The following PPHLN1 variants were observed in gnomAD, a reference collection of about 807,000 sequenced individuals.
The protein encoded by PPHLN1 is periphilin-1.
A neutral mutation model predicts 51.3 loss-of-function variants in PPHLN1; 29 were observed. The ratio of observed to expected loss-of-function variants is 0.57; its 90% CI spans 0.42 to 0.77. PPHLN1 has a LOEUF of 0.77. PPHLN1 is among the 30% of genes least tolerant of loss of function. The pLI is 0.00. For synonymous variants in PPHLN1, 147 were observed against 147.8 expected (o/e 0.99, Z 0.04); for missense variants, 436 against 438.4 (o/e 0.99, Z 0.05).
chr12:42,374,899 C>T lies in PPHLN1; in HGVS notation c.336C>T (p.Tyr112=), dbSNP rs556956525. 3 of 1,605,354 alleles carry T rather than the reference C, an allele frequency of 1.9e-6. No homozygotes were observed. Among genetic ancestry groups the T allele is most frequent in the East Asian group, 4.5e-5 (2 of 44,424 alleles). The change falls in exon 5 of 10, where the codon TAC becomes TAT. Residue 112 remains tyrosine, a synonymous_variant. Transcript: ENST00000358314. ...MRDGFRRKSF[Y]SSHYARERSP... ...ATGGCTTTAGAAGAAAAAGTTTCTACTCTTCCCATTATGCGAGAGAGCGGT... is the reference window on the plus strand; with the variant it reads ...ATGGCTTTAGAAGAAAAAGTTTCTATTCTTCCCATTATGCGAGAGAGCGGT...
chr12:42,403,731 T>G (rs1423577571), intron 9 of PPHLN1, among the ~76,000 whole-genome samples: 2 of 152,190 alleles, frequency 1.3e-5, no homozygotes. Context: ...CACCTTATCC[T>G]TGGGGATGTT....
At chr12:42,401,982 G>A (rs545044850) in intron 9 of PPHLN1, among the ~76,000 whole-genome samples, 1 of 152,200 alleles carries the variant, frequency 6.6e-6, no homozygotes, top group South Asian at 2.1e-4. Flanking sequence ...ACCCTCCTGA[G>A]TAGCTGGGAC....
chr12:42,326,706 ATCT>A (rs1277550556), intron 1 of PPHLN1, among the ~76,000 whole-genome samples: 4 of 152,126 alleles, frequency 2.6e-5, no homozygotes, highest in South Asian at 2.1e-4. Context: ...ACAAGTGTTG[ATCT>A]TCTTGGCACC....
At chr12:42,390,100 A>G (rs879260004) in intron 7 of PPHLN1, among the ~76,000 whole-genome samples, 3 of 152,032 alleles carry the variant, frequency 2.0e-5, no homozygotes, top group Admixed American at 2.0e-4. Context: ...ACTTCTTTTC[A>G]TTCTGCCTTT....
intron 9 of PPHLN1, among the ~76,000 whole-genome samples, chr12:42,435,511 CCTT>C (rs1328703159): frequency 1.3e-5 from 2 of 152,120 alleles, no homozygotes; most frequent in Non-Finnish European, 2.9e-5. Flanking sequence ...AGTTTTGACA[CCTT>C]CTGCATTACT....
At chr12:42,445,221 G>C (rs1435119535), downstream of PPHLN1, 2 of 657,598 alleles carry the variant, frequency 3.0e-6, no homozygotes, top group African/African-American at 1.8e-5. Flanking sequence ...AGACCTGCAG[G>C]TTATGATGTC....
chr12:42,393,701 T>TG lies in PPHLN1; in HGVS notation c.768+13dup, dbSNP rs1414068701. The TG allele has an allele frequency of 1.3e-6, 2 of 1,582,978 alleles. No individual in the cohort carries two copies. Among genetic ancestry groups the TG allele is most frequent in the Admixed American group, 2.0e-5 (1 of 50,556 alleles). ...TTTCTGAGTATGAGGTAAGGCATAATGTCTCCTTTATGTTTCACATCTGAA... is the reference window on the plus strand; with the variant it reads ...TTTCTGAGTATGAGGTAAGGCATAATGGTCTCCTTTATGTTTCACATCTGAA... On this transcript the variant is annotated intron_variant, in intron 8 of 9. Transcript: ENST00000358314.
chr12:42,433,263 T>A, intron 9 of PPHLN1: 1 of 692,798 alleles, frequency 1.4e-6, no homozygotes, highest in Non-Finnish European at 2.7e-6. Context: ...ACTAATTTAT[T>A]TTTTTATATC....
At chr12:42,336,030 A>G (rs2137804013) in intron 2 of PPHLN1, 56 bp downstream of exon 2, 1 of 1,232,864 alleles carries the variant, frequency 8.1e-7, no homozygotes, top group Non-Finnish European at 1.1e-6. Context: ...AATTAATTTG[A>G]TACACCAAAG....
chr12:42,378,737 C>T (rs2076519655), intron 5 of PPHLN1, among the ~76,000 whole-genome samples: 1 of 152,116 alleles, frequency 6.6e-6, no homozygotes, highest in African/African-American at 2.4e-5. Flanking sequence ...CATACATACA[C>T]ACACATTTAA....
In PPHLN1 at chr12:42,377,642, A is replaced by C. The variant is rs535980482; in HGVS notation, c.511+2568A>C. 2.0e-5 allele frequency among the ~76,000 whole-genome samples: 3 copies of C among 152,236 alleles called. No homozygotes were observed. The South Asian group carries it at 6.2e-4, about 32-fold the overall frequency. ...TTTGGGATGTGTATGACTTAAATCC[A>C]TATCCAATAATGATTTTCATTAAAG... On this transcript the variant is annotated intron_variant, in intron 5 of 9. Transcript: ENST00000358314.
intron 1 of PPHLN1, among the ~76,000 whole-genome samples, chr12:42,333,682 C>T (rs1592166691): frequency 6.6e-6 from 1 of 152,084 alleles, no homozygotes; most frequent in African/African-American, 2.4e-5. Context: ...CAGAGTTTCA[C>T]TGTGTTAGCC....
chr12:42,441,861 G>T lies in PPHLN1; in HGVS notation c.*352G>T. 2.0e-6 allele frequency: 2 copies of T among 1,011,064 alleles called. No homozygotes were observed. The highest frequency in any genetic ancestry group is 2.4e-6 in the Non-Finnish European group (2 of 847,510). The allele number at this position is 1,011,064 out of a possible 1,614,324, so 62.6% of individuals were successfully genotyped here. ...TGAAAATGTTAGAATTCTGAGTTGT[G>T]ATTTTATTGACTTGTTGCTTGCTTT... On this transcript the variant is annotated 3_prime_UTR_variant, in exon 10 of 10. Transcript: ENST00000358314.
chr12:42,410,373 C>T (rs1254469323), intron 9 of PPHLN1, among the ~76,000 whole-genome samples: 2 of 152,180 alleles, frequency 1.3e-5, no homozygotes, highest in Non-Finnish European at 2.9e-5. Flanking sequence ...TCACTGAATT[C>T]ATCAGTTGCA....
intron 9 of PPHLN1, among the ~76,000 whole-genome samples, chr12:42,424,128 T>C (rs1592924034): frequency 6.6e-6 from 1 of 152,340 alleles, no homozygotes; most frequent in East Asian, 1.9e-4. Context: ...GATAGGCAGA[T>C]AGGCTGCAGT....
rs76824507 is a variant in PPHLN1, at chr12:42,385,114, C to G, written c.568+118C>G. The G allele has an allele frequency of 0.01, 11,385 of 1,087,858 alleles. 867 individuals are homozygous for G. In the African/African-American group the frequency reaches 0.16, roughly 15 times the overall value. The allele number at this position is 1,087,858 out of a possible 1,614,324, so 67.4% of individuals were successfully genotyped here. A position where few individuals can be genotyped will look rare whatever the true frequency, so the allele number is the denominator to read the frequency against. On this transcript the variant is annotated intron_variant, in intron 6 of 9. Coordinates refer to ENST00000358314, the MANE Select transcript of PPHLN1 (RefSeq NM_201439.2). ...CTCCATTAGTCTATTGTGAGAACCA[C>G]AGTTAGCAGTAGACCTAGGTACTAG...
chr12:42,362,444 G>A (rs929316090), intron 4 of PPHLN1, among the ~76,000 whole-genome samples: 1 of 151,972 alleles, frequency 6.6e-6, no homozygotes, highest in Non-Finnish European at 1.5e-5. Context: ...AGAATCCGTT[G>A]CCAAACCAAG....
intron 1 of PPHLN1, among the ~76,000 whole-genome samples, chr12:42,333,923 T>A (rs986330131): frequency 6.6e-6 from 1 of 152,224 alleles, no homozygotes; most frequent in African/African-American, 2.4e-5. Flanking sequence ...AGGTTGAACA[T>A]CTTTTCAAAA....
chr12:42,422,040 T>C (rs2081052177), intron 9 of PPHLN1, among the ~76,000 whole-genome samples: 1 of 152,132 alleles, frequency 6.6e-6, no homozygotes, highest in South Asian at 2.1e-4. Flanking sequence ...GTGTTATGAG[T>C]GTAGAAATAG....
Sources: allele counts gnomAD v4.1 joint callset (sites outside exome capture counted in the v4.1 genomes callset), GRCh38; gene constraint gnomAD v4.1.1; transcripts MANE v1.5; gene names NCBI Gene and HGNC (gene_info 2026-07-23, HGNC 2026-07-21).